The following CFAP77 variants were observed in gnomAD, a reference collection of about 807,000 sequenced individuals.
The protein encoded by CFAP77 is cilia and flagella associated protein 77, also known as cilia- and flagella-associated protein 77.
Under a neutral mutation model 31.1 loss-of-function variants are expected in CFAP77, and 25 were observed. The observed-to-expected ratio is 0.80, with a 90% CI of 0.59 to 1.12. The LOEUF (loss-of-function observed/expected upper bound fraction) is 1.12, where lower values mean the gene tolerates loss of function less well. Ranked by LOEUF, CFAP77 falls within the 50% of genes most tolerant of loss-of-function variation. The pLI is 0.00. For missense variants in CFAP77, 377 were observed against 397.3 expected, an observed-to-expected ratio of 0.95 and a Z score of 0.44; for synonymous variants, 151 against 159.9, an observed-to-expected ratio of 0.94 and a Z score of 0.42.
rs756171472 is a variant in CFAP77 at position 132,565,778 on chromosome 9, C to T, written c.733-6610C>T. ...GTGTTTCCAGGGCACTGCATGGCAG[C>T]GCTCTGTCCTTATTTCTGCGATGCC... is the stretch of plus-strand genomic sequence containing the variant. On this transcript the variant is annotated intron_variant, in intron 5 of 5. Coordinates refer to ENST00000393216, the MANE Select transcript of CFAP77 (RefSeq NM_001282957.2). The surrounding 1 kb of genome is among the most constrained non-coding windows in gnomAD (Gnocchi z 4.1). 4.7e-4 allele frequency among the ~76,000 whole-genome samples: 71 copies of T among 152,170 alleles called. No homozygotes were observed. The highest frequency in any genetic ancestry group is 1.7e-3 in the African/African-American group (69 of 41,446).
intron 3 of CFAP77, among the ~76,000 whole-genome samples, chr9:132,533,024 C>T (rs1474977560): frequency 1.3e-5 from 2 of 152,208 alleles, no homozygotes; most frequent in Admixed American, 1.3e-4. Context: ...CAGAAATAAT[C>T]GCCTGCACCT....
intron 1 of CFAP77, among the ~76,000 whole-genome samples, chr9:132,474,169 A>T (rs1851308562): frequency 6.6e-6 from 1 of 152,216 alleles, no homozygotes; most frequent in Non-Finnish European, 1.5e-5. Context: ...TTGATTAAAA[A>T]CAAAGCTCAT....
intron 1 of CFAP77, among the ~76,000 whole-genome samples, chr9:132,478,182 T>C (rs1444840545): frequency 6.6e-6 from 1 of 152,134 alleles, no homozygotes; most frequent in African/African-American, 2.4e-5. Flanking sequence ...CCCATGCGCC[T>C]CTTCCCTTTG....
At position 132,455,695 on chromosome 9, in the gene CFAP77, C is replaced by T. The variant is rs1297058753; in HGVS notation, c.196-43000C>T. Among the ~76,000 whole-genome samples, 1 of 151,968 alleles carries T rather than the reference C, an allele frequency of 6.6e-6. No homozygotes were observed. The highest frequency in any genetic ancestry group is 1.5e-5 in the Non-Finnish European group (1 of 68,002). ...GTAGTGAGTTGAGATCGCACTACTG[C>T]ACTCTGGCCTGGGTGACAGAGCAAG... is the stretch of plus-strand genomic sequence containing the variant. On this transcript the variant is annotated intron_variant, in intron 1 of 5. Transcript: ENST00000393216. The surrounding 1 kb of genome is among the most constrained non-coding windows in gnomAD (Gnocchi z 4.1).
Position 132,501,294 on chromosome 9 carries a change from G to T in CFAP77, c.524+1694G>T, listed in dbSNP as rs761269198. ...CTTCCTCACCTGCAAATGGCCAGCA[G>T]CAGTTCTATTCTGTTTTTCTCTAAA... On this transcript the variant is annotated intron_variant, in intron 3 of 5. Transcript: ENST00000393216. The surrounding 1 kb of genome is among the most constrained non-coding windows in gnomAD (Gnocchi z 4.6). 6.6e-6 allele frequency among the ~76,000 whole-genome samples: 1 copy of T among 152,176 alleles called. No individual in the cohort carries two copies. Among genetic ancestry groups the T allele is most frequent in the Non-Finnish European group, 1.5e-5 (1 of 68,036 alleles).
At chr9:132,542,915 C>T in intron 4 of CFAP77, 31 bp from the exon 5 acceptor site, 1 of 1,558,112 alleles carries the variant, frequency 6.4e-7, no homozygotes, top group Non-Finnish European at 8.9e-7. Context: ...GCCGGGCAAC[C>T]ATCTCACCTT....
intron 1 of CFAP77, among the ~76,000 whole-genome samples, chr9:132,443,592 T>C (rs1482874731): frequency 1.3e-5 from 2 of 152,204 alleles, no homozygotes; most frequent in South Asian, 2.1e-4. Context: ...GTGTTTATCT[T>C]AGGTAAAATG....
rs1209922367 is a variant in CFAP77 at position 132,486,080 on chromosome 9, A to T, written c.196-12615A>T. On this transcript the variant is annotated intron_variant, in intron 1 of 5. Coordinates refer to ENST00000393216, the MANE Select transcript of CFAP77 (RefSeq NM_001282957.2). ...TGTGTGTGTGTGTATATATATATAT[A>T]TATATATATATTTTTTTTTTTTTTT... Among the ~76,000 whole-genome samples, 145 of 17,914 alleles carry T rather than the reference A, an allele frequency of 8.1e-3. 22 individuals are homozygous for T. The highest frequency in any genetic ancestry group is 0.02 in the East Asian group (3 of 152). The allele number at this position is 17,914 out of a possible 152,430, so 11.8% of individuals were successfully genotyped here.
intron 1 of CFAP77, among the ~76,000 whole-genome samples, chr9:132,415,864 G>C (rs549475084): frequency 6.3e-4 from 96 of 152,304 alleles, no homozygotes; most frequent in African/African-American, 2.2e-3. Context: ...TGAAATGTCT[G>C]ATTCAAACAG....
intron 4 of CFAP77, among the ~76,000 whole-genome samples, chr9:132,540,426 T>C (rs1182081605): frequency 1.3e-5 from 2 of 152,148 alleles, no homozygotes; most frequent in Non-Finnish European, 1.5e-5. Context: ...GGTTTCTGCA[T>C]TGGGTGCGGA....
chr9:132,502,265 ATTTTT>A (rs571665067), intron 3 of CFAP77, among the ~76,000 whole-genome samples: 10 of 83,876 alleles, frequency 1.2e-4, no homozygotes, highest in African/African-American at 4.1e-4. Context: ...ATATATATAT[ATTTTT>A]TTTTTTTGGG....
chr9:132,439,848 C>CAAA (rs1225152331), intron 1 of CFAP77, among the ~76,000 whole-genome samples: 17 of 44,500 alleles, frequency 3.8e-4, no homozygotes, highest in South Asian at 7.7e-4. Context: ...GACTCCGTCT[C>CAAA]AAAAAAAAAA....
intron 1 of CFAP77, among the ~76,000 whole-genome samples, chr9:132,461,514 C>A (rs1851049739): frequency 6.6e-6 from 1 of 152,176 alleles, no homozygotes; most frequent in Admixed American, 6.5e-5. Flanking sequence ...AGGGCAGGCC[C>A]CAGCAGCAGA....
intron 5 of CFAP77, among the ~76,000 whole-genome samples, chr9:132,551,200 A>G (rs552939646): frequency 6.6e-6 from 1 of 152,160 alleles, no homozygotes; most frequent in Non-Finnish European, 1.5e-5. Flanking sequence ...GTTATCCTAA[A>G]GATGGAGTTC....
At position 132,517,036 on chromosome 9, in the gene CFAP77, C is replaced by T. The variant is rs150772221; in HGVS notation, c.524+17436C>T. Among the ~76,000 whole-genome samples the T allele has an allele frequency of 2.0e-5, 3 of 152,292 alleles. No homozygotes were observed. Among genetic ancestry groups the T allele is most frequent in the East Asian group, 1.9e-4 (1 of 5,174 alleles). On this transcript the variant is annotated intron_variant, in intron 3 of 5. Transcript: ENST00000393216. The surrounding 1 kb of genome is among the most constrained non-coding windows in gnomAD (Gnocchi z 4.7). ...CGCAGCTCGGGGCTGTGTGAGAACA[C>T]GAGGGCGGTCTTCAGAAACCCCATC... is the stretch of plus-strand genomic sequence containing the variant.
chr9:132,556,497 C>T (rs994515546), intron 5 of CFAP77, among the ~76,000 whole-genome samples: 9 of 152,142 alleles, frequency 5.9e-5, no homozygotes, highest in African/African-American at 2.2e-4. Context: ...TGTGAAGTTT[C>T]CTCCATCTCC....
chr9:132,510,828 T>C (rs1384504241), intron 3 of CFAP77, among the ~76,000 whole-genome samples: 1 of 152,138 alleles, frequency 6.6e-6, no homozygotes, highest in Non-Finnish European at 1.5e-5. Context: ...AGTGCCAGTT[T>C]CCGGGGCTAG....
chr9:132,474,239 G>T (rs1173671232), intron 1 of CFAP77, among the ~76,000 whole-genome samples: 1 of 152,154 alleles, frequency 6.6e-6, no homozygotes. Context: ...GGTCTGGTGG[G>T]TGCCTTGCTC....
chr9:132,519,698 G>C (rs376590777), intron 3 of CFAP77, among the ~76,000 whole-genome samples: 6 of 135,516 alleles, frequency 4.4e-5, no homozygotes, highest in Admixed American at 2.9e-4. Flanking sequence ...GTGGGTGGAT[G>C]GGTGGGTGGG....
Sources: allele counts gnomAD v4.1 joint callset (sites outside exome capture counted in the v4.1 genomes callset), GRCh38; gene constraint gnomAD v4.1.1; non-coding constraint Gnocchi (gnomAD v3.1); transcripts MANE v1.5; gene names NCBI Gene and HGNC (gene_info 2026-07-23, HGNC 2026-07-21).